DNAJB6: variants seen among roughly 807,000 people sequenced by gnomAD.
The protein encoded by DNAJB6 is dnaJ homolog subfamily B member 6.
DNAJB6 carries 16 observed loss-of-function variants against 42.7 expected under a neutral mutation model. The observed-to-expected ratio is 0.37, with a 90% CI of 0.25 to 0.57. DNAJB6 has a LOEUF of 0.57. Ranked by LOEUF, DNAJB6 falls within the 20% of genes least tolerant of loss-of-function variation. The pLI, the probability that DNAJB6 is intolerant of heterozygous loss-of-function variation, is 0.74. For missense variants in DNAJB6, 347 were observed against 416.8 expected (o/e 0.83, Z 1.46); for synonymous variants, 170 against 163.5 (o/e 1.04, Z -0.30).
chr7:157,345,788 A>G (rs1798652632), intron 1 of DNAJB6, among the ~76,000 whole-genome samples: 1 of 152,180 alleles, frequency 6.6e-6, no homozygotes, highest in Admixed American at 6.6e-5. Flanking sequence ...GCATGGTTTT[A>G]AAAAGGTTTT....
intron 1 of DNAJB6, among the ~76,000 whole-genome samples, chr7:157,355,221 G>A (rs1413567222): frequency 6.6e-6 from 1 of 152,278 alleles, no homozygotes; most frequent in Middle Eastern, 3.4e-3. Flanking sequence ...TGGCGCGGGC[G>A]CGATCTCGGC....
intron 5 of DNAJB6, among the ~76,000 whole-genome samples, chr7:157,368,390 T>C (rs1201877983): frequency 1.3e-5 from 2 of 152,194 alleles, no homozygotes; most frequent in African/African-American, 4.8e-5. Flanking sequence ...CATAGTACTG[T>C]TGGCAAGACC....
chr7:157,412,285 G>A (rs1157037602), intron 9 of DNAJB6: 3 of 152,170 alleles, frequency 2.0e-5, no homozygotes, highest in African/African-American at 4.8e-5. Flanking sequence ...CACCAACTCC[G>A]GTGTCAGGGT....
chr7:157,356,944 A>G (rs569865141), intron 1 of DNAJB6, among the ~76,000 whole-genome samples: 1 of 152,200 alleles, frequency 6.6e-6, no homozygotes, highest in East Asian at 1.9e-4. Flanking sequence ...ATATACATCT[A>G]AATAGATCCT....
intron 5 of DNAJB6, among the ~76,000 whole-genome samples, chr7:157,370,354 CGTTTCTCAACATGATTATTAAACAGGA>C (rs1299934935): frequency 1.3e-5 from 2 of 152,020 alleles, no homozygotes; most frequent in African/African-American, 4.8e-5. Flanking sequence ...TTAAACAGGC[CGTTTCTCAACATGATTATTAAACAGGA>C]CCTTCTTAAC....
intron 8 of DNAJB6, among the ~76,000 whole-genome samples, chr7:157,403,911 T>C (rs1482037467): frequency 1.3e-5 from 2 of 152,066 alleles, no homozygotes; most frequent in Non-Finnish European, 2.9e-5. Context: ...GGAGCCTCAG[T>C]GTTGAGTGAG....
At chr7:157,403,956 A>G (rs1584946140) in intron 8 of DNAJB6, among the ~76,000 whole-genome samples, 1 of 151,524 alleles carries the variant, frequency 6.6e-6, no homozygotes, top group Non-Finnish European at 1.5e-5. Flanking sequence ...GGGAAGGAAC[A>G]CCTTTTCAGC....
At chr7:157,384,775 T>G (rs1382809735) in intron 6 of DNAJB6, 92 bp from the exon 7 acceptor site, 3 of 1,300,680 alleles carry the variant, frequency 2.3e-6, no homozygotes, top group African/African-American at 3.0e-5. Context: ...GCCTTAACAT[T>G]AAATATTCTG....
intron 9 of DNAJB6, chr7:157,412,129 A>G (rs1042295870): frequency 4.6e-5 from 7 of 152,230 alleles, no homozygotes; most frequent in Non-Finnish European, 8.8e-5. Context: ...AACACGTCAG[A>G]GACTTTTACT....
chr7:157,337,989 TGCCGC>T (rs1210710849), intron 1 of DNAJB6, among the ~76,000 whole-genome samples: 1 of 152,170 alleles, frequency 6.6e-6, no homozygotes, highest in Non-Finnish European at 1.5e-5. Context: ...ACCGAAGGGG[TGCCGC>T]CTGCGAGCTC....
At chr7:157,369,564 T>G (rs1800014652) in intron 5 of DNAJB6, 1 of 345,470 alleles carries the variant, frequency 2.9e-6, no homozygotes, top group Non-Finnish European at 5.7e-6. Context: ...TTTCTTACCA[T>G]TATTATTAAA....
chr7:157,409,500 A>G (rs1485732322), intron 8 of DNAJB6, among the ~76,000 whole-genome samples: 2 of 152,158 alleles, frequency 1.3e-5, no homozygotes, highest in Non-Finnish European at 2.9e-5. Flanking sequence ...AGTGGGGCAC[A>G]CTCACTCTCG....
chr7:157,353,586 GGT>G (rs370854040), intron 1 of DNAJB6, among the ~76,000 whole-genome samples: 10,661 of 139,998 alleles, frequency 0.076, 792 homozygotes, highest in African/African-American at 0.21. Context: ...TCTTGACCGG[GGT>G]GTGTGTGTGT....
At chr7:157,399,817 C>T (rs560594382) in intron 8 of DNAJB6, among the ~76,000 whole-genome samples, 54 of 152,124 alleles carry the variant, frequency 3.5e-4, no homozygotes, top group Non-Finnish European at 5.9e-4. Context: ...TACAGGTGCG[C>T]GCCACCACCC....
At chr7:157,395,659 A>G (rs1224323500) in intron 8 of DNAJB6, among the ~76,000 whole-genome samples, 1 of 151,772 alleles carries the variant, frequency 6.6e-6, no homozygotes, top group Non-Finnish European at 1.5e-5. Flanking sequence ...AAAAGTTACA[A>G]CATTCATTCT....
intron 5 of DNAJB6, among the ~76,000 whole-genome samples, chr7:157,377,481 C>T (rs1015202171): frequency 1.3e-5 from 2 of 152,182 alleles, no homozygotes; most frequent in African/African-American, 4.8e-5. Context: ...CTGCATGAGT[C>T]TAGAGAAACT....
intron 8 of DNAJB6, among the ~76,000 whole-genome samples, chr7:157,407,471 C>T (rs1795813686): frequency 6.6e-6 from 1 of 152,236 alleles, no homozygotes; most frequent in African/African-American, 2.4e-5. Flanking sequence ...TCTTAAAAGT[C>T]ATGGCGGAGT....
At chr7:157,369,980 A>G (rs1800090729) in intron 5 of DNAJB6, among the ~76,000 whole-genome samples, 2 of 148,114 alleles carry the variant, frequency 1.4e-5, no homozygotes, top group South Asian at 4.2e-4. Flanking sequence ...TCTTAACATT[A>G]TTATTAAACA....
intron 1 of DNAJB6, among the ~76,000 whole-genome samples, chr7:157,346,712 G>A (rs780785453): frequency 2.0e-5 from 3 of 152,204 alleles, no homozygotes; most frequent in Non-Finnish European, 4.4e-5. Flanking sequence ...TTTAAATTGT[G>A]TCTTACATCA....
Sources: gnomAD v4.1 joint callset for allele counts (sites outside exome capture counted in the v4.1 genomes callset) on GRCh38, gnomAD v4.1.1 for gene constraint, MANE v1.5 for transcripts, NCBI Gene and HGNC (gene_info 2026-07-23, HGNC 2026-07-21) for gene names.